The following CHLSN variants were observed in gnomAD, a reference collection of about 807,000 sequenced individuals.
CHLSN encodes the protein protein cholesin.
chr7:1,039,172 G>A, the CHLSN span, among the ~76,000 whole-genome samples: 8 of 29,090 alleles, frequency 2.8e-4, 1 homozygote, highest in South Asian at 1.1e-3. Flanking sequence ...CAGCCGCCCC[G>A]TCCGGGAGGG....
At chr7:1,044,406 GC>G in the CHLSN span, among the ~76,000 whole-genome samples, 1 of 152,156 alleles carries the variant, frequency 6.6e-6, no homozygotes, top group Non-Finnish European at 1.5e-5. Flanking sequence ...CACCGCCACC[GC>G]CCCCCAACCT....
the CHLSN span, among the ~76,000 whole-genome samples, chr7:1,076,391 G>A: frequency 6.6e-6 from 1 of 152,328 alleles, no homozygotes; most frequent in East Asian, 1.9e-4. Flanking sequence ...GAGCCTGCAT[G>A]CTGCTCCGCA....
the CHLSN span, among the ~76,000 whole-genome samples, chr7:1,030,698 A>G: frequency 2.6e-5 from 4 of 151,468 alleles, no homozygotes; most frequent in Non-Finnish European, 4.4e-5. Flanking sequence ...CTCTCTCCCC[A>G]GGCAGGCGGG....
chr7:1,129,649 GC>G, the CHLSN span, among the ~76,000 whole-genome samples: 3 of 152,214 alleles, frequency 2.0e-5, no homozygotes, highest in African/African-American at 7.2e-5. Flanking sequence ...TTGCTATGCT[GC>G]CCAGGATGGT....
At chr7:1,068,986 T>C in the CHLSN span, among the ~76,000 whole-genome samples, 1 of 152,176 alleles carries the variant, frequency 6.6e-6, no homozygotes, top group Non-Finnish European at 1.5e-5. Flanking sequence ...GTTGTGACCG[T>C]GCTGGGTGTG....
chr7:982,941 C>A, the CHLSN span, among the ~76,000 whole-genome samples: 2 of 152,218 alleles, frequency 1.3e-5, no homozygotes, highest in Non-Finnish European at 2.9e-5. Context: ...CGTGCCACAT[C>A]CTTCTCTCTG....
the CHLSN span, among the ~76,000 whole-genome samples, chr7:1,110,573 G>T: frequency 1.1e-4 from 16 of 152,350 alleles, no homozygotes; most frequent in African/African-American, 3.8e-4. Flanking sequence ...TCGGGGGTTT[G>T]GGGAGATCCA....
At chr7:987,340 GC>G in the CHLSN span, 1 of 1,570,142 alleles carries the variant, frequency 6.4e-7, no homozygotes, top group South Asian at 1.1e-5. Context: ...CCCACCCTTT[GC>G]CCCAGGCCGG....
chr7:1,093,894 C>A, the CHLSN span: 1 of 332,760 alleles, frequency 3.0e-6, no homozygotes, highest in Non-Finnish European at 6.0e-6. Context: ...AATCCCTCCC[C>A]CCTCACAGAA....
the CHLSN span, among the ~76,000 whole-genome samples, chr7:985,915 G>A: frequency 6.6e-6 from 1 of 152,152 alleles, no homozygotes; most frequent in East Asian, 1.9e-4. Flanking sequence ...GAGTGAGTGA[G>A]CAGCGGTGGG....
At chr7:986,748 C>T in the CHLSN span, 11 of 1,605,900 alleles carry the variant, frequency 6.8e-6, no homozygotes, top group Admixed American at 1.7e-5. Flanking sequence ...CACGTGTGCC[C>T]GGGGGACCCC....
At chr7:1,024,123 C>A in the CHLSN span, among the ~76,000 whole-genome samples, 1 of 152,190 alleles carries the variant, frequency 6.6e-6, no homozygotes, top group South Asian at 2.1e-4. Context: ...TTTCAAACTC[C>A]TGGGCCACAG....
At chr7:1,112,521 C>G in the CHLSN span, among the ~76,000 whole-genome samples, 20 of 152,154 alleles carry the variant, frequency 1.3e-4, no homozygotes, top group Non-Finnish European at 1.6e-4. Flanking sequence ...ACAGGAACAC[C>G]GTGGATGGCC....
the CHLSN span, chr7:983,228 T>G: frequency 6.6e-7 from 1 of 1,524,016 alleles, no homozygotes; most frequent in South Asian, 1.2e-5. Flanking sequence ...CTGCTGCTCT[T>G]GCTGTTCCTG....
the CHLSN span, among the ~76,000 whole-genome samples, chr7:1,036,740 G>T: frequency 1.3e-5 from 2 of 149,314 alleles, 1 homozygote; most frequent in South Asian, 4.3e-4. Flanking sequence ...TGAGAGGATC[G>T]GGGTGGGGAG....
chr7:1,137,009 A>C, the CHLSN span, among the ~76,000 whole-genome samples: 456 of 152,210 alleles, frequency 3.0e-3, no homozygotes, highest in Middle Eastern at 0.02. Flanking sequence ...TTAAACTCCT[A>C]AATCAGATGG....
the CHLSN span, among the ~76,000 whole-genome samples, chr7:1,053,698 T>G: frequency 3.9e-5 from 6 of 152,060 alleles, no homozygotes; most frequent in Non-Finnish European, 7.4e-5. Flanking sequence ...GTGGTGGCAG[T>G]CGCCTGTAAT....
chr7:995,318 C>T, the CHLSN span, among the ~76,000 whole-genome samples: 3 of 152,334 alleles, frequency 2.0e-5, no homozygotes, highest in Middle Eastern at 6.8e-3. Context: ...TGGCACCTTA[C>T]GATCCACAGA....
chr7:1,075,209 G>A, the CHLSN span, among the ~76,000 whole-genome samples: 1 of 152,116 alleles, frequency 6.6e-6, no homozygotes, highest in East Asian at 1.9e-4. Flanking sequence ...AAGCTAGACG[G>A]GTGGTTAGAA....
Sources: allele counts gnomAD v4.1 joint callset (sites outside exome capture counted in the v4.1 genomes callset), GRCh38; gene constraint gnomAD v4.1.1; transcripts MANE v1.5; gene names NCBI Gene and HGNC (gene_info 2026-07-23, HGNC 2026-07-21).